Variants in HERC6 observed in about 807,000 individuals in gnomAD.
HERC6 encodes the protein probable E3 ubiquitin-protein ligase HERC6.
Under a neutral mutation model 114.5 loss-of-function variants are expected in HERC6, and 101 were observed. That is an observed-to-expected ratio of 0.88 (90% CI 0.75 to 1.04). HERC6 has a LOEUF of 1.04. HERC6 is among the 50% of genes least tolerant of loss of function. The pLI, the probability that HERC6 is intolerant of heterozygous loss-of-function variation, is 0.00. For synonymous variants in HERC6, 408 were observed against 436.2 expected, an observed-to-expected ratio of 0.94 and a Z score of 0.81; for missense variants, 1,133 against 1,230.9, an observed-to-expected ratio of 0.92 and a Z score of 1.19.
At chr4:88,392,091 C>G (rs1431008529) in intron 4 of HERC6, among the ~76,000 whole-genome samples, 2 of 91,014 alleles carry the variant, frequency 2.2e-5, no homozygotes, top group Admixed American at 1.0e-4. Context: ...ACTCCCCCCT[C>G]CCCTTCTCCC....
intron 20 of HERC6, among the ~76,000 whole-genome samples, chr4:88,438,219 A>G (rs539947684): frequency 1.4e-4 from 22 of 152,220 alleles, no homozygotes; most frequent in African/African-American, 5.1e-4. Context: ...AAGATAAAAG[A>G]AAAGGAGAAA....
Position 88,383,244 on chromosome 4 carries a change from CT to C in HERC6, c.224del (p.Leu75GlnfsTer6). ...AGAACCAATTCAGGCATTGGAAACCCTAATTGTTGATCTCGTGAGCTGCGGG... is the reference window on the plus strand; with the variant it reads ...AGAACCAATTCAGGCATTGGAAACCCAATTGTTGATCTCGTGAGCTGCGGG... The part of the protein sequence containing the change: ...LPEPIQALET[L>X]IVDLVSCGKE... On this transcript the variant is annotated frameshift_variant, in exon 2 of 23. Transcript: ENST00000264346. LOFTEE classifies it high-confidence loss of function. 6.2e-7 allele frequency: 1 copy of C among 1,610,412 alleles called. No homozygotes were observed. The highest frequency in any genetic ancestry group is 1.3e-5 in the African/African-American group (1 of 74,888).
At chr4:88,421,333 CTA>C (rs1737027382) in intron 13 of HERC6, among the ~76,000 whole-genome samples, 1 of 152,150 alleles carries the variant, frequency 6.6e-6, no homozygotes, top group Admixed American at 6.5e-5. Context: ...TATGGCAACT[CTA>C]GTTTAATCTT....
intron 13 of HERC6, among the ~76,000 whole-genome samples, chr4:88,418,676 T>C (rs903570509): frequency 1.3e-5 from 2 of 152,186 alleles, no homozygotes; most frequent in East Asian, 1.9e-4. Context: ...TAAAAACCCT[T>C]AAGTAACTTG....
intron 7 of HERC6, 86 bp downstream of exon 7, chr4:88,397,073 C>T: frequency 1.6e-6 from 2 of 1,241,906 alleles, no homozygotes; most frequent in Non-Finnish European, 2.2e-6. Flanking sequence ...AAGGATCCTA[C>T]AGAACTGTAG....
intron 13 of HERC6, among the ~76,000 whole-genome samples, 200 bp from the exon 14 acceptor site, chr4:88,423,660 A>G (rs1737302450): frequency 6.6e-6 from 1 of 152,192 alleles, no homozygotes; most frequent in South Asian, 2.1e-4. Flanking sequence ...TATCTTTGAC[A>G]TTTCTTCATG....
In HERC6 at chr4:88,442,991, G is replaced by A. The variant is rs1441329915; in HGVS notation, c.*531G>A. On this transcript the variant is annotated 3_prime_UTR_variant, in exon 23 of 23. Coordinates refer to ENST00000264346, the MANE Select transcript of HERC6 (RefSeq NM_017912.4). ...TAAGCCCCAGAAGATTTTGCTACCA[G>A]GGCTCTTGAGCCACTTGCTCTAGCC... is the stretch of plus-strand genomic sequence containing the variant. 6.3e-6 allele frequency: 1 copy of A among 158,808 alleles called. No individual in the cohort carries two copies. Among genetic ancestry groups the A allele is most frequent in the African/African-American group, 2.4e-5 (1 of 41,510 alleles). The allele number at this position is 158,808 out of a possible 1,614,324, so 9.8% of individuals were successfully genotyped here.
chr4:88,386,727 T>C (rs1317858688), intron 3 of HERC6, among the ~76,000 whole-genome samples: 1 of 152,222 alleles, frequency 6.6e-6, no homozygotes, highest in Non-Finnish European at 1.5e-5. Flanking sequence ...TTCATCTCAG[T>C]GCTGCTTCAT....
At chr4:88,398,094 A>G in intron 7 of HERC6, 48 bp from the exon 8 acceptor site, 1 of 1,310,478 alleles carries the variant, frequency 7.6e-7, no homozygotes. Context: ...CATCAGATTT[A>G]TTTTTACTTC....
In HERC6 at chr4:88,439,842, C is replaced by CTTT. The variant is rs537714979; in HGVS notation, c.2556-15_2556-13dup. Reference sequence around the variant, plus strand: ...TAATCATTGGCCTTTTCCTTCCTTTCTTTTTTTTTTTTTTTTTTTGCTTCC... The same window carrying CTTT: ...TAATCATTGGCCTTTTCCTTCCTTTCTTTTTTTTTTTTTTTTTTTTTTGCTTCC... On this transcript the variant is annotated intron_variant, in intron 20 of 22. Coordinates refer to ENST00000264346, the MANE Select transcript of HERC6 (RefSeq NM_017912.4). The CTTT allele has an allele frequency of 9.5e-5, 95 of 999,916 alleles. 1 individual carries two copies. The highest frequency in any genetic ancestry group is 1.7e-4 in the South Asian group (7 of 41,142). The allele number at this position is 999,916 out of a possible 1,614,324, so 61.9% of individuals were successfully genotyped here. A position where few individuals can be genotyped will look rare whatever the true frequency, so the allele number is the denominator to read the frequency against.
At chr4:88,395,903 G>A in intron 5 of HERC6, 112 bp from the exon 6 acceptor site, 1 of 848,738 alleles carries the variant, frequency 1.2e-6, no homozygotes, top group Non-Finnish European at 1.7e-6. Context: ...TTTATGTAGA[G>A]CTTGTGTTTC....
intron 12 of HERC6, among the ~76,000 whole-genome samples, chr4:88,417,043 G>T (rs1736547966): frequency 6.6e-6 from 1 of 152,054 alleles, no homozygotes; most frequent in Admixed American, 6.6e-5. Context: ...ATTTTTTACA[G>T]ATTAAAAACG....
chr4:88,384,364 G>A (rs747614834), intron 2 of HERC6, among the ~76,000 whole-genome samples: 4 of 152,168 alleles, frequency 2.6e-5, no homozygotes, highest in Admixed American at 2.6e-4. Flanking sequence ...TGGAAGAGAA[G>A]TTTTTTTCTC....
chr4:88,428,755 A>G lies in HERC6; in HGVS notation c.2106+5A>G, dbSNP rs778083107. The G allele has an allele frequency of 1.7e-5, 26 of 1,519,488 alleles. 1 individual carries two copies. The South Asian group carries it at 2.1e-4, about 13-fold the overall frequency. 94.1% of individuals were successfully genotyped at this position (1,519,488 alleles called of 1,614,324 possible). A position where few individuals can be genotyped will look rare whatever the true frequency, so the allele number is the denominator to read the frequency against. On this transcript the variant is annotated splice_donor_5th_base_variant and intron_variant, in intron 16 of 22. Transcript: ENST00000264346. ...GACTTCTGCAAAGTATTAGTGGTAC[A>G]GTAAAAAGTCTCATTGAACATTTTT... is the stretch of plus-strand genomic sequence containing the variant.
chr4:88,399,306 A>G (rs1177895313), intron 8 of HERC6: 8 of 152,226 alleles, frequency 5.3e-5, no homozygotes, highest in Non-Finnish European at 2.9e-5. Flanking sequence ...TTGCTCTATC[A>G]TAGCCATTCA....
chr4:88,428,828 A>C, intron 16 of HERC6, 78 bp downstream of exon 16: 5 of 1,221,152 alleles, frequency 4.1e-6, no homozygotes, highest in Non-Finnish European at 5.5e-6. Context: ...ATGCTCTCTG[A>C]AAAGAGCCTG....
intron 13 of HERC6, among the ~76,000 whole-genome samples, chr4:88,422,355 C>A (rs1005081709): frequency 6.6e-5 from 10 of 152,080 alleles, no homozygotes; most frequent in Non-Finnish European, 2.9e-5. Flanking sequence ...TGTTTTATAA[C>A]CTTATTCTGA....
intron 4 of HERC6, among the ~76,000 whole-genome samples, chr4:88,391,607 G>A (rs1734923061): frequency 6.6e-6 from 1 of 152,230 alleles, no homozygotes; most frequent in African/African-American, 2.4e-5. Context: ...GTGAAACCCA[G>A]AAGCATCCAT....
At chr4:88,389,760 G>C (rs1375677507) in intron 3 of HERC6, among the ~76,000 whole-genome samples, 1 of 152,050 alleles carries the variant, frequency 6.6e-6, no homozygotes, top group East Asian at 1.9e-4. Context: ...AAATTAAATA[G>C]AAGTAGAATA....
Sources: allele counts gnomAD v4.1 joint callset (sites outside exome capture counted in the v4.1 genomes callset), GRCh38; gene constraint gnomAD v4.1.1; transcripts MANE v1.5; gene names NCBI Gene and HGNC (gene_info 2026-07-23, HGNC 2026-07-21).